Variants in GALNT2 observed in about 807,000 individuals in gnomAD.
GALNT2 encodes the protein UDP-GalNAc:polypeptide N-acetylgalactosaminyltransferase 2.
In GALNT2, 31 loss-of-function variants were observed where a neutral mutation model predicts 81.4. That is an observed-to-expected ratio of 0.38 (90% CI 0.29 to 0.51). GALNT2 has a LOEUF of 0.51. Ranked by LOEUF, GALNT2 falls within the 20% of genes least tolerant of loss-of-function variation. The pLI is 0.87. For synonymous variants in GALNT2, 303 were observed against 287.4 expected (o/e 1.05, Z -0.55); for missense variants, 629 against 765.7 (o/e 0.82, Z 2.11).
At chr1:230,178,854 G>A (rs192431974) in intron 2 of GALNT2, among the ~76,000 whole-genome samples, 393 of 152,216 alleles carry the variant, frequency 2.6e-3, no homozygotes, top group Non-Finnish European at 3.5e-3. Flanking sequence ...GCATAATGGC[G>A]TTTAGCCGCC....
rs151182572 is a variant in GALNT2, at chr1:230,125,405, G to C, written c.127-52813G>C. Among the ~76,000 whole-genome samples the C allele has an allele frequency of 2.8e-3, 434 of 152,310 alleles. 4 individuals carry two copies. The highest frequency in any genetic ancestry group is 0.01 in the African/African-American group (419 of 41,558). On this transcript the variant is annotated intron_variant, in intron 1 of 15. Transcript: ENST00000366672. ...GCGACCCCTCCCTCAGGAGTGTAGC[G>C]AGGCCTGGCTGGTGTTTGACAGCGT...
At chr1:230,155,235 G>T (rs890110253) in intron 1 of GALNT2, among the ~76,000 whole-genome samples, 3 of 152,196 alleles carry the variant, frequency 2.0e-5, no homozygotes, top group African/African-American at 7.2e-5. Flanking sequence ...ACCGTTTGGG[G>T]CCTGCATGGG....
chr1:230,141,318 G>C (rs986268002), intron 1 of GALNT2, among the ~76,000 whole-genome samples: 2 of 152,008 alleles, frequency 1.3e-5, no homozygotes, highest in Admixed American at 6.5e-5. Context: ...CTTAAAAGTT[G>C]GTAAAATACA....
chr1:230,059,703 CA>C (rs988632161), intron 1 of GALNT2, among the ~76,000 whole-genome samples: 6 of 152,088 alleles, frequency 3.9e-5, no homozygotes. Context: ...TCAAACTTAC[CA>C]AAAAAGTTGC....
chr1:230,161,291 A>G (rs1039215350), intron 1 of GALNT2, among the ~76,000 whole-genome samples: 14 of 152,220 alleles, frequency 9.2e-5, no homozygotes, highest in African/African-American at 3.1e-4. Flanking sequence ...CACATGCCCC[A>G]GTAGCATAGA....
At chr1:230,190,518 T>A (rs114572144) in intron 2 of GALNT2, among the ~76,000 whole-genome samples, 1,622 of 152,344 alleles carry the variant, frequency 0.011, 26 homozygotes, top group African/African-American at 0.036. Flanking sequence ...AAAATTCAGG[T>A]CATCCACAAG....
chr1:230,070,136 C>G lies in GALNT2; in HGVS notation c.126+2730C>G, dbSNP rs1011819008. 6.6e-6 allele frequency among the ~76,000 whole-genome samples: 1 copy of G among 152,212 alleles called. No homozygotes were observed. Among genetic ancestry groups the G allele is most frequent in the African/African-American group, 2.4e-5 (1 of 41,448 alleles). ...GGGAGTGCTGAAGACCAATCTCAGG[C>G]ACTGCCGCACAACTCGGGACTCAAC... is the stretch of plus-strand genomic sequence containing the variant. On this transcript the variant is annotated intron_variant, in intron 1 of 15. Coordinates refer to ENST00000366672, the MANE Select transcript of GALNT2 (RefSeq NM_004481.5). The surrounding 1 kb of genome is among the most constrained non-coding windows in gnomAD (Gnocchi z 4.7).
intron 1 of GALNT2, among the ~76,000 whole-genome samples, chr1:230,102,842 G>A (rs1660441441): frequency 6.6e-6 from 1 of 152,238 alleles, no homozygotes; most frequent in Admixed American, 6.5e-5. Context: ...TTGTGGCAGG[G>A]CAAGGATGGA....
chr1:230,255,370 T>A (rs773544967), intron 11 of GALNT2, 26 bp downstream of exon 11: 2 of 1,613,598 alleles, frequency 1.2e-6, no homozygotes, highest in African/African-American at 2.7e-5. Context: ...CTGAGCGGGG[T>A]CCAAAACATT....
At chr1:230,180,821 A>G (rs1046167926) in intron 2 of GALNT2, among the ~76,000 whole-genome samples, 1 of 152,138 alleles carries the variant, frequency 6.6e-6, no homozygotes, top group Non-Finnish European at 1.5e-5. Context: ...GAATTTATAC[A>G]TATTTTGTCA....
chr1:230,164,365 G>A (rs1451855611), intron 1 of GALNT2, among the ~76,000 whole-genome samples: 1 of 152,170 alleles, frequency 6.6e-6, no homozygotes, highest in Non-Finnish European at 1.5e-5. Context: ...TGCTAACAGC[G>A]GTGATAAGCG....
At chr1:230,095,470 C>T (rs1381881528) in intron 1 of GALNT2, among the ~76,000 whole-genome samples, 1 of 152,218 alleles carries the variant, frequency 6.6e-6, no homozygotes, top group South Asian at 2.1e-4. Context: ...GGCTCCTCAG[C>T]CAGGCCTGCT....
At chr1:230,156,584 G>T (rs1222258477) in intron 1 of GALNT2, among the ~76,000 whole-genome samples, 1 of 152,062 alleles carries the variant, frequency 6.6e-6, no homozygotes, top group African/African-American at 2.4e-5. Flanking sequence ...CGTTTGTCAC[G>T]GATCAATTTA....
intron 7 of GALNT2, among the ~76,000 whole-genome samples, chr1:230,245,398 C>T (rs1248047871): frequency 6.6e-6 from 1 of 151,556 alleles, no homozygotes; most frequent in Non-Finnish European, 1.5e-5. Context: ...CGCGAGGCGG[C>T]GGTTGTGGTG....
chr1:230,097,595 A>G (rs1232396092), intron 1 of GALNT2, among the ~76,000 whole-genome samples: 1 of 152,228 alleles, frequency 6.6e-6, no homozygotes, highest in Admixed American at 6.5e-5. Context: ...AGGCTGAGTA[A>G]TATTCCATTT....
chr1:230,165,017 T>A (rs771857734), intron 1 of GALNT2, among the ~76,000 whole-genome samples: 20 of 152,178 alleles, frequency 1.3e-4, no homozygotes, highest in Non-Finnish European at 1.8e-4. Context: ...CCAGATAAGA[T>A]CCCTTAATGA....
At chr1:230,220,282 T>G (rs185476009) in intron 3 of GALNT2, among the ~76,000 whole-genome samples, 5 of 31,782 alleles carry the variant, frequency 1.6e-4, no homozygotes, top group Admixed American at 4.9e-4. Flanking sequence ...GGTGTTTTTG[T>G]TTTTTTTTTT....
intron 11 of GALNT2, chr1:230,255,573 C>T: frequency 1.8e-6 from 1 of 561,444 alleles, no homozygotes; most frequent in East Asian, 3.1e-5. Flanking sequence ...CATGATTCCA[C>T]TCATGTCACA....
At chr1:230,186,233 C>T (rs1000666982) in intron 2 of GALNT2, among the ~76,000 whole-genome samples, 6 of 152,172 alleles carry the variant, frequency 3.9e-5, no homozygotes, top group African/African-American at 9.7e-5. Context: ...GTTGGACAAG[C>T]GTCACCCCAG....
Sources: allele counts gnomAD v4.1 joint callset (sites outside exome capture counted in the v4.1 genomes callset), GRCh38; gene constraint gnomAD v4.1.1; non-coding constraint Gnocchi (gnomAD v3.1); transcripts MANE v1.5; gene names NCBI Gene and HGNC (gene_info 2026-07-23, HGNC 2026-07-21).